Variants in CPLX2 observed in about 807,000 individuals in gnomAD.
CPLX2 encodes complexin 2, also known as complexin-2.
CPLX2 carries 5 observed loss-of-function variants against 16.3 expected under a neutral mutation model. The ratio of observed to expected loss-of-function variants is 0.31; its 90% CI spans 0.16 to 0.64. CPLX2 has a LOEUF of 0.64. Among genes scored for constraint, CPLX2 ranks in the 30% least tolerant of loss-of-function variants. CPLX2 has a pLI of 0.79. For missense variants in CPLX2, 144 were observed against 181.4 expected, an observed-to-expected ratio of 0.79 and a Z score of 1.18; for synonymous variants, 89 against 73.2, an observed-to-expected ratio of 1.22 and a Z score of -1.10.
intron 1 of CPLX2, among the ~76,000 whole-genome samples, chr5:175,804,139 A>G (rs1758153270): frequency 6.6e-6 from 1 of 152,256 alleles, no homozygotes; most frequent in Non-Finnish European, 1.5e-5. Context: ...TTTTAAATCA[A>G]GACAGGATAC....
chr5:175,824,306 G>C (rs982216989), intron 2 of CPLX2, among the ~76,000 whole-genome samples: 2 of 152,222 alleles, frequency 1.3e-5, no homozygotes, highest in African/African-American at 4.8e-5. Flanking sequence ...TAAGCCACGA[G>C]GTGAGGTGAT....
intron 2 of CPLX2, among the ~76,000 whole-genome samples, chr5:175,860,684 C>G (rs1054197159): frequency 6.6e-6 from 1 of 151,704 alleles, no homozygotes; most frequent in East Asian, 1.9e-4. Context: ...CCAGGGCTGA[C>G]TCTCATTGGC....
chr5:175,803,020 CAG>C (rs1279870529), intron 1 of CPLX2, among the ~76,000 whole-genome samples: 2 of 152,074 alleles, frequency 1.3e-5, no homozygotes, highest in African/African-American at 4.8e-5. Context: ...TTAGTAGAGA[CAG>C]GGTTTCACCG....
chr5:175,834,655 G>A (rs771125820), intron 2 of CPLX2, among the ~76,000 whole-genome samples: 27 of 152,228 alleles, frequency 1.8e-4, no homozygotes, highest in Admixed American at 3.9e-4. Context: ...GACAGATCAC[G>A]AGGTCAGGAG....
At chr5:175,833,978 C>T (rs1008809516) in intron 2 of CPLX2, among the ~76,000 whole-genome samples, 3 of 152,182 alleles carry the variant, frequency 2.0e-5, no homozygotes, top group African/African-American at 4.8e-5. Flanking sequence ...ATGGGCTCAG[C>T]GTTCCTCCCT....
At position 175,822,621 on chromosome 5, in the gene CPLX2, C is replaced by T. The variant is rs140529626; in HGVS notation, c.-89+13553C>T. On this transcript the variant is annotated intron_variant, in intron 2 of 4. Transcript: ENST00000359546. Reference sequence around the variant, plus strand: ...AGGGCTTCAGACAGTGACCACAACACTCTATCTTTCTACATCTCTCCACTG... The same window carrying T: ...AGGGCTTCAGACAGTGACCACAACATTCTATCTTTCTACATCTCTCCACTG... Among the ~76,000 whole-genome samples, 12 of 152,360 alleles carry T rather than the reference C, an allele frequency of 7.9e-5. No individual in the cohort carries two copies. In the East Asian group the frequency reaches 1.5e-3, roughly 20 times the overall value.
chr5:175,880,105 CTTT>C lies in CPLX2; in HGVS notation c.*63_*65del, dbSNP rs764376926. On this transcript the variant is annotated 3_prime_UTR_variant, in exon 4 of 4. Coordinates refer to ENST00000393745, the MANE Select transcript of CPLX2 (RefSeq NM_001008220.2). ...CTACTTCTTTTTGGTTCTTTCTTTT[CTTT>C]TTATTAGGTTAAGTCTCAATTCTGA... 11 of 1,534,716 alleles carry C rather than the reference CTTT, an allele frequency of 7.2e-6. No individual in the cohort carries two copies. In the African/African-American group the frequency reaches 1.1e-4, roughly 15 times the overall value.
chr5:175,858,034 C>T (rs1759293973), intron 2 of CPLX2, among the ~76,000 whole-genome samples: 2 of 152,210 alleles, frequency 1.3e-5, no homozygotes, highest in Non-Finnish European at 2.9e-5. Context: ...TGTCAACATC[C>T]CACTTTGCAA....
At chr5:175,817,203 G>A (rs1399114825) in intron 2 of CPLX2, among the ~76,000 whole-genome samples, 2 of 152,226 alleles carry the variant, frequency 1.3e-5, no homozygotes, top group African/African-American at 4.8e-5. Flanking sequence ...CAGGATCTTA[G>A]ATGGCTCTAG....
intron 2 of CPLX2, among the ~76,000 whole-genome samples, chr5:175,864,637 G>C (rs10035801): frequency 0.01 from 1,597 of 152,286 alleles, 27 homozygotes; most frequent in African/African-American, 0.036. Context: ...ACGAAGTGGG[G>C]GAAGAGAAAC....
intron 1 of CPLX2, chr5:175,805,736 G>A (rs1318185370): frequency 6.6e-6 from 1 of 152,428 alleles, no homozygotes; most frequent in Non-Finnish European, 1.5e-5. Flanking sequence ...TCTGCAAGCA[G>A]TCAGGTGGTA....
At chr5:175,832,018 G>A (rs1044530404) in intron 2 of CPLX2, among the ~76,000 whole-genome samples, 5 of 152,186 alleles carry the variant, frequency 3.3e-5, no homozygotes, top group African/African-American at 4.8e-5. Flanking sequence ...GACTCTGCTG[G>A]CTCTGCCCTC....
At chr5:175,807,696 C>T (rs1366357640) in intron 1 of CPLX2, among the ~76,000 whole-genome samples, 1 of 143,684 alleles carries the variant, frequency 7.0e-6, no homozygotes, top group Non-Finnish European at 1.5e-5. Context: ...ACTTACTCAT[C>T]ATTCATTCAT....
At chr5:175,827,253 A>G (rs1758634230) in intron 2 of CPLX2, among the ~76,000 whole-genome samples, 1 of 152,190 alleles carries the variant, frequency 6.6e-6, no homozygotes, top group South Asian at 2.1e-4. Context: ...CTGGGGCCTC[A>G]CCCTCAACTA....
At chr5:175,837,059 C>T (rs148020728) in intron 2 of CPLX2, among the ~76,000 whole-genome samples, 53 of 152,348 alleles carry the variant, frequency 3.5e-4, no homozygotes, top group African/African-American at 1.2e-3. Flanking sequence ...GGAAAGGAAG[C>T]ACGGGGCCAA....
At chr5:175,859,938 T>C (rs2113687527) in intron 2 of CPLX2, among the ~76,000 whole-genome samples, 1 of 152,346 alleles carries the variant, frequency 6.6e-6, no homozygotes, top group East Asian at 1.9e-4. Flanking sequence ...CCCTTCCAGG[T>C]GGCCGAGACA....
At chr5:175,870,728 G>A (rs1759571436), upstream of CPLX2, among the ~76,000 whole-genome samples, 1 of 152,216 alleles carries the variant, frequency 6.6e-6, no homozygotes, top group South Asian at 2.1e-4. Context: ...GGGCATAGGA[G>A]GAAAAGAAAT....
At chr5:175,877,007 G>A (rs760423031) in intron 1 of CPLX2, among the ~76,000 whole-genome samples, 1 of 152,068 alleles carries the variant, frequency 6.6e-6, no homozygotes, top group African/African-American at 2.4e-5. Context: ...GTCGGCAACG[G>A]CTGACATTTT....
chr5:175,820,762 C>T (rs1301709660), intron 2 of CPLX2, among the ~76,000 whole-genome samples: 1 of 152,162 alleles, frequency 6.6e-6, no homozygotes, highest in African/African-American at 2.4e-5. Flanking sequence ...TGCTAGGCAC[C>T]AAGAGGCCCA....
Sources: allele counts gnomAD v4.1 joint callset (sites outside exome capture counted in the v4.1 genomes callset), GRCh38; gene constraint gnomAD v4.1.1; transcripts MANE v1.5; gene names NCBI Gene and HGNC (gene_info 2026-07-23, HGNC 2026-07-21).